The following PTCHD1 variants were observed in gnomAD, a reference collection of about 807,000 sequenced individuals.
PTCHD1 encodes the protein patched domain containing 1, also known as patched domain-containing protein 1.
In PTCHD1, 3 loss-of-function variants were observed where a neutral mutation model predicts 34.6. The observed-to-expected ratio is 0.09, with a 90% CI of 0.04 to 0.22. The LOEUF (loss-of-function observed/expected upper bound fraction) is 0.22, where lower values mean the gene tolerates loss of function less well. Ranked by LOEUF, PTCHD1 falls within the 10% of genes least tolerant of loss-of-function variation. The pLI is 1.00. For synonymous variants in PTCHD1, 305 were observed against 283.1 expected (o/e 1.08, Z -0.77); for missense variants, 504 against 685.5 (o/e 0.74, Z 2.96).
chrX:23,392,047 T>C (rs1489205275), intron 2 of PTCHD1, among the ~76,000 whole-genome samples: 8 of 99,667 alleles, frequency 8.0e-5, no homozygotes, highest in Non-Finnish European at 1.4e-4. Flanking sequence ...CTTTCTTTTT[T>C]TTTCTTTCTT....
chrX:23,353,378 G>C (rs982901052), intron 1 of PTCHD1, among the ~76,000 whole-genome samples: 6 of 112,264 alleles, frequency 5.3e-5, no homozygotes, highest in African/African-American at 1.9e-4. Context: ...CCTGAGGTTG[G>C]GAGTTCGAGA....
intron 1 of PTCHD1, among the ~76,000 whole-genome samples, chrX:23,375,169 G>A (rs1922377060): frequency 9.0e-6 from 1 of 111,690 alleles, no homozygotes; most frequent in Non-Finnish European, 1.9e-5. Flanking sequence ...CTGAACATGA[G>A]TTTAGCTGTT....
At chrX:23,363,775 G>A (rs946689088) in intron 1 of PTCHD1, among the ~76,000 whole-genome samples, 12 of 112,364 alleles carry the variant, frequency 1.1e-4, no homozygotes, top group Non-Finnish European at 1.5e-4. Flanking sequence ...GTTCCTATTC[G>A]GCCATCTTGG....
At chrX:23,389,042 A>G (rs1349222458) in intron 2 of PTCHD1, among the ~76,000 whole-genome samples, 1 of 111,711 alleles carries the variant, frequency 9.0e-6, no homozygotes, top group Non-Finnish European at 1.9e-5. Flanking sequence ...AAATTCTCCT[A>G]CCTGCCATTT....
At chrX:23,392,383 T>C in intron 2 of PTCHD1, 148 bp from the exon 3 acceptor site, 1 of 502,445 alleles carries the variant, frequency 2.0e-6, no homozygotes, top group South Asian at 2.7e-5. Flanking sequence ...TATCTCCGCA[T>C]AGGAGAAATC....
At chrX:23,342,887 A>ATTCT (rs1207217347) in intron 1 of PTCHD1, among the ~76,000 whole-genome samples, 4 of 111,674 alleles carry the variant, frequency 3.6e-5, no homozygotes, top group African/African-American at 1.3e-4. Flanking sequence ...TTGGGCTTTC[A>ATTCT]TTCTTATACA....
chrX:23,342,319 TTTTTTTTTTTTTTA>T (rs1381144560), intron 1 of PTCHD1, among the ~76,000 whole-genome samples: 558 of 32,053 alleles, frequency 0.017, 12 homozygotes, highest in African/African-American at 0.13. Flanking sequence ...TATTTTTTTT[TTTTTTTTTTTTTTA>T]AAAGAATTGG....
intron 1 of PTCHD1, among the ~76,000 whole-genome samples, chrX:23,361,692 A>G (rs924135858): frequency 4.5e-5 from 5 of 111,911 alleles, no homozygotes; most frequent in Non-Finnish European, 9.4e-5. Flanking sequence ...TCCTGTCATT[A>G]TGATGTTAGC....
intron 2 of PTCHD1, among the ~76,000 whole-genome samples, chrX:23,384,747 C>G (rs1407088660): frequency 8.9e-6 from 1 of 111,786 alleles, no homozygotes; most frequent in East Asian, 2.8e-4. Flanking sequence ...TTTCAAAAGT[C>G]ATGAGAAAAT....
chrX:23,364,310 A>G (rs1470192439), intron 1 of PTCHD1, among the ~76,000 whole-genome samples: 1 of 109,462 alleles, frequency 9.1e-6, no homozygotes, highest in Non-Finnish European at 1.9e-5. Flanking sequence ...TTCATTAAAT[A>G]TGCACTTAAC....
At chrX:23,351,267 C>T (rs771491572) in intron 1 of PTCHD1, 2 of 797,637 alleles carry the variant, frequency 2.5e-6, no homozygotes, top group East Asian at 6.3e-5. Context: ...CCTCAGTTGA[C>T]TCATTCACTC....
chrX:23,350,490 C>CA (rs1362162631), intron 1 of PTCHD1, among the ~76,000 whole-genome samples: 1 of 111,768 alleles, frequency 8.9e-6, no homozygotes, highest in African/African-American at 3.3e-5. Flanking sequence ...GGTGGAAGAA[C>CA]AAATTTGGAG....
Position 23,335,271 on chromosome X carries a change from G to C in PTCHD1, c.351+45G>C, listed in dbSNP as rs746197337. 43 of 1,078,092 alleles carry C rather than the reference G, an allele frequency of 4.0e-5. No individual in the cohort carries two copies. In the South Asian group the frequency reaches 6.2e-4, roughly 16 times the overall value. The allele number at this position is 1,078,092 out of a possible 1,213,427, so 88.8% of individuals were successfully genotyped here. On this transcript the variant is annotated intron_variant, in intron 1 of 2. Transcript: ENST00000379361. ...GGCAGACTCCGCCAGCGCCGCGGCC[G>C]CGGTCGGGCTGGCTCTGCGCTGGGG...
rs759751069 is a variant in PTCHD1 at position 23,394,194 on chromosome X, G to C, written c.*9G>C. On this transcript the variant is annotated 3_prime_UTR_variant, in exon 3 of 3. Coordinates refer to ENST00000379361, the MANE Select transcript of PTCHD1 (RefSeq NM_173495.3). ...AAATTACAACAGTGTGATAATGTCT[G>C]CTTGGCATATTTTCACCTTAGGTCT... 7.4e-5 allele frequency: 85 copies of C among 1,145,006 alleles called. No individual in the cohort carries two copies. The highest frequency in any genetic ancestry group is 8.1e-5 in the Non-Finnish European group (68 of 840,581). 94.4% of individuals were successfully genotyped at this position (1,145,006 alleles called of 1,213,427 possible).
At chrX:23,363,626 C>T (rs752467489) in intron 1 of PTCHD1, among the ~76,000 whole-genome samples, 12 of 112,762 alleles carry the variant, frequency 1.1e-4, no homozygotes, top group South Asian at 3.6e-4. Context: ...GGCGATGCCC[C>T]GCCCTGCTTC....
chrX:23,380,261 ACTCTT>A lies in PTCHD1; in HGVS notation c.1012+13_1012+17del, dbSNP rs1569140210. On this transcript the variant is annotated intron_variant, in intron 2 of 2. Coordinates refer to ENST00000379361, the MANE Select transcript of PTCHD1 (RefSeq NM_173495.3). ...CCTTTCGTCATGCTAGGTAATTACTACTCTTCTTTCTTCTGTTTCCGCCTGCTGGT... is the reference window on the plus strand; with the variant it reads ...CCTTTCGTCATGCTAGGTAATTACTACTTTCTTCTGTTTCCGCCTGCTGGT... 8.3e-7 allele frequency: 1 copy of A among 1,197,632 alleles called. No homozygotes were observed. Among genetic ancestry groups the A allele is most frequent in the East Asian group, 3.0e-5 (1 of 33,660 alleles).
chrX:23,359,683 A>G (rs1378448798), intron 1 of PTCHD1, among the ~76,000 whole-genome samples: 1 of 111,876 alleles, frequency 8.9e-6, no homozygotes, highest in Non-Finnish European at 1.9e-5. Flanking sequence ...TTCCAACACT[A>G]TGTTGAATAG....
At chrX:23,347,657 T>G (rs1167045212) in intron 1 of PTCHD1, among the ~76,000 whole-genome samples, 1 of 111,503 alleles carries the variant, frequency 9.0e-6, no homozygotes, top group Non-Finnish European at 1.9e-5. Context: ...AAAGGAAACA[T>G]CAAAATCAGA....
At position 23,364,549 on chromosome X, in the gene PTCHD1, G is replaced by T. The variant is rs5971108; in HGVS notation, c.352-15042G>T. Among the ~76,000 whole-genome samples the T allele has an allele frequency of 4.7e-4, 52 of 110,048 alleles. No homozygotes were observed. The East Asian group carries it at 0.015, about 31-fold the overall frequency. The stretch of plus-strand genomic sequence containing the variant: ...TGGCAGACAAATCAGCCCAGTTTTA[G>T]TGACATCCAACTCACTGCCATCGTG... On this transcript the variant is annotated intron_variant, in intron 1 of 2. Coordinates refer to ENST00000379361, the MANE Select transcript of PTCHD1 (RefSeq NM_173495.3).
Sources: allele counts gnomAD v4.1 joint callset (sites outside exome capture counted in the v4.1 genomes callset), GRCh38; gene constraint gnomAD v4.1.1; transcripts MANE v1.5; gene names NCBI Gene and HGNC (gene_info 2026-07-23, HGNC 2026-07-21).